The following TLN2 variants were observed in gnomAD, a reference collection of about 807,000 sequenced individuals.
TLN2 encodes the protein talin-2.
Under a neutral mutation model 294.7 loss-of-function variants are expected in TLN2, and 118 were observed. The ratio of observed to expected loss-of-function variants is 0.40; its 90% CI spans 0.34 to 0.47. The LOEUF (loss-of-function observed/expected upper bound fraction) is 0.47. Ranked by LOEUF, TLN2 falls within the 20% of genes least tolerant of loss-of-function variation. The pLI, the probability that TLN2 is intolerant of heterozygous loss-of-function variation, is 0.84. For synonymous variants in TLN2, 1,431 were observed against 1,304.5 expected (o/e 1.10, Z -2.09); for missense variants, 3,083 against 3,282.2 (o/e 0.94, Z 1.48).
chr15:62,551,334 C>A (rs1019485049), intron 1 of TLN2, among the ~76,000 whole-genome samples: 1 of 152,138 alleles, frequency 6.6e-6, no homozygotes, highest in African/African-American at 2.4e-5. Context: ...GACTGTACTT[C>A]TTAATTCCTG....
In TLN2 at chr15:62,838,882, C is replaced by T; in HGVS notation, c.7401C>T (p.Ala2467=). The change falls in exon 58 of 59, where the codon GCC becomes GCT. Residue 2467 remains alanine (A), a synonymous_variant. Transcript: ENST00000636159. ...CGGCAGGAAATGCTGTGAAAAGAGC[C>T]TCAGACAATCTTGTCCGTGCAGCCC... ...LQAAGNAVKR[A]SDNLVRAAQK... 1 of 1,610,230 alleles carries T rather than the reference C, an allele frequency of 6.2e-7. No individual in the cohort carries two copies. The highest frequency in any genetic ancestry group is 8.5e-7 in the Non-Finnish European group (1 of 1,179,948).
chr15:62,492,267 T>C (rs970596781), intron 1 of TLN2, among the ~76,000 whole-genome samples: 1 of 150,736 alleles, frequency 6.6e-6, no homozygotes, highest in African/African-American at 2.4e-5. Flanking sequence ...CTGGCTAATA[T>C]GGTGATACTA....
intron 1 of TLN2, among the ~76,000 whole-genome samples, chr15:62,465,104 GTTTTT>G (rs57890839): frequency 2.5e-4 from 21 of 85,526 alleles, no homozygotes; most frequent in Admixed American, 1.4e-3. Context: ...TGGTGAGCGC[GTTTTT>G]TTTTTTTTTT....
rs114095543 is a variant in TLN2 at position 62,688,598 on chromosome 15, G to A, written c.1113+1802G>A. Among the ~76,000 whole-genome samples the A allele has an allele frequency of 9.4e-3, 1,432 of 152,202 alleles. 24 individuals carry two copies. Among genetic ancestry groups the A allele is most frequent in the African/African-American group, 0.032 (1,344 of 41,536 alleles). On this transcript the variant is annotated intron_variant, in intron 12 of 58. Transcript: ENST00000636159. ...CTGCCTGGCAGTTTTCTCAGTTGCC[G>A]AGAGTGAGGTTCTTAACAGTAATTA...
At chr15:62,405,333 G>A (rs987722813) in intron 1 of TLN2, among the ~76,000 whole-genome samples, 1 of 152,306 alleles carries the variant, frequency 6.6e-6, no homozygotes. Context: ...GCAGCCAGGG[G>A]ACTGGGGACA....
chr15:62,819,334 C>A (rs576506822), intron 52 of TLN2, among the ~76,000 whole-genome samples, 182 bp from the exon 53 acceptor site: 29 of 152,306 alleles, frequency 1.9e-4, no homozygotes, highest in African/African-American at 4.8e-4. Context: ...TTATTTCTCA[C>A]ATGGGGAGAT....
At chr15:62,448,896 G>C (rs2035961056) in intron 1 of TLN2, among the ~76,000 whole-genome samples, 1 of 152,156 alleles carries the variant, frequency 6.6e-6, no homozygotes, top group Non-Finnish European at 1.5e-5. Flanking sequence ...TTCTTTATTT[G>C]TCTAGGGGGC....
intron 51 of TLN2, 100 bp downstream of exon 51, chr15:62,805,885 C>G (rs2066244541): frequency 7.4e-7 from 1 of 1,343,888 alleles, no homozygotes; most frequent in Admixed American, 2.6e-5. Context: ...GAACCTTAAA[C>G]TTTGTAATAA....
chr15:62,519,415 T>A (rs986878167), intron 1 of TLN2, among the ~76,000 whole-genome samples: 2 of 152,212 alleles, frequency 1.3e-5, no homozygotes, highest in African/African-American at 4.8e-5. Context: ...TTATCCCTGG[T>A]GGCTCATAAA....
chr15:62,483,118 C>T (rs1056593853), intron 1 of TLN2, among the ~76,000 whole-genome samples: 1 of 152,212 alleles, frequency 6.6e-6, no homozygotes, highest in Admixed American at 6.5e-5. Context: ...CTGTGGTCAT[C>T]CTGGTCTGTC....
Position 62,763,626 on chromosome 15 carries a change from G to T in TLN2, c.5025G>T (p.Arg1675=), listed in dbSNP as rs767441200. ...YSIDGINRCI[R]DIEQASLAAV... is the part of the protein sequence containing the mutation. ...TCGATGGCATCAACCGGTGCATCCGGGACATCGAGCAGGCCTCGCTGGCCG... is the reference window on the plus strand; with the variant it reads ...TCGATGGCATCAACCGGTGCATCCGTGACATCGAGCAGGCCTCGCTGGCCG... The change falls in exon 40 of 59, where the codon CGG becomes CGT. Residue 1675 remains arginine, a synonymous_variant. Coordinates refer to ENST00000636159, the MANE Select transcript of TLN2 (RefSeq NM_015059.3). 1.2e-6 allele frequency: 2 copies of T among 1,613,738 alleles called. No individual in the cohort carries two copies. Among genetic ancestry groups the T allele is most frequent in the South Asian group, 2.2e-5 (2 of 91,048 alleles).
At chr15:62,839,118 G>GTCTGAGAGCCAGA in intron 58 of TLN2, 137 bp downstream of exon 58, 1 of 1,252,428 alleles carries the variant, frequency 8.0e-7, no homozygotes, top group Non-Finnish European at 1.1e-6. Context: ...TTTCCTTCAT[G>GTCTGAGAGCCAGA]TCTGAGAGCC....
chr15:62,825,843 A>ATT (rs1567688116), intron 54 of TLN2, among the ~76,000 whole-genome samples: 1 of 82,114 alleles, frequency 1.2e-5, no homozygotes, highest in African/African-American at 6.0e-5. Context: ...TATAATATAT[A>ATT]TAAATATATT....
chr15:62,638,260 T>G (rs1247247366), intron 3 of TLN2: 1 of 320,732 alleles, frequency 3.1e-6, no homozygotes, highest in African/African-American at 2.2e-5. Context: ...GAATTTCCTC[T>G]TAATTAGGCA....
intron 25 of TLN2, among the ~76,000 whole-genome samples, chr15:62,721,251 T>A (rs566119038): frequency 1.3e-5 from 2 of 152,216 alleles, no homozygotes; most frequent in Non-Finnish European, 2.9e-5. Context: ...TTCCAGGAGG[T>A]TGAACAAATC....
rs2052412491 is a variant in TLN2, at chr15:62,650,088, T to C, written c.141T>C (p.Ser47=). ...RVPEAQTGQA[S]DYGLFLSDED... ...TTCTTCCCATTTATATTTCAGCTTC[T>C]GACTATGGACTCTTTCTTTCGGATG... Residue 47 remains serine, a synonymous_variant, in exon 5 of 59, where the codon TCT becomes TCC. Transcript: ENST00000636159. The C allele has an allele frequency of 1.2e-6, 2 of 1,614,084 alleles. No homozygotes were observed. The highest frequency in any genetic ancestry group is 2.7e-5 in the African/African-American group (2 of 75,030).
chr15:62,475,145 G>C (rs941869890), intron 1 of TLN2, among the ~76,000 whole-genome samples: 4 of 152,116 alleles, frequency 2.6e-5, no homozygotes, highest in African/African-American at 7.2e-5. Flanking sequence ...CCTAGAAACA[G>C]AATGCAACCA....
At position 62,524,021 on chromosome 15, in the gene TLN2, C is replaced by T. The variant is rs563499547; in HGVS notation, c.-237-65666C>T. 3.3e-5 allele frequency among the ~76,000 whole-genome samples: 5 copies of T among 152,316 alleles called. No individual in the cohort carries two copies. The South Asian group carries it at 6.2e-4, about 19-fold the overall frequency. On this transcript the variant is annotated intron_variant, in intron 1 of 58. Transcript: ENST00000636159. ...CTAGTATTAGATGCTGCTCCTATGT[C>T]CTTTTGAGGGACCTGGGGTGAAAGG... is the stretch of plus-strand genomic sequence containing the variant.
intron 2 of TLN2, among the ~76,000 whole-genome samples, chr15:62,594,509 C>T (rs1230842944): frequency 6.6e-6 from 1 of 152,188 alleles, no homozygotes; most frequent in Non-Finnish European, 1.5e-5. Flanking sequence ...GCCCATCTCA[C>T]CCACCTCAAT....
Sources: gnomAD v4.1 joint callset for allele counts (sites outside exome capture counted in the v4.1 genomes callset) on GRCh38, gnomAD v4.1.1 for gene constraint, MANE v1.5 for transcripts, NCBI Gene and HGNC (gene_info 2026-07-23, HGNC 2026-07-21) for gene names.